The following UHRF1 variants were observed in gnomAD, a reference collection of about 807,000 sequenced individuals.
UHRF1 encodes ubiquitin like with PHD and ring finger domains 1.
UHRF1 carries 9 observed loss-of-function variants against 96.5 expected under a neutral mutation model. The observed-to-expected ratio is 0.09, with a 90% CI of 0.06 to 0.16. UHRF1 has a LOEUF of 0.16. UHRF1 is among the 10% of genes least tolerant of loss of function. UHRF1 has a pLI of 1.00. For synonymous variants in UHRF1, 455 were observed against 469.9 expected (o/e 0.97, Z 0.41); for missense variants, 626 against 1,131.1 (o/e 0.55, Z 6.40).
At chr19:4,949,230 G>C (rs1040531068) in intron 11 of UHRF1, among the ~76,000 whole-genome samples, 4 of 151,964 alleles carry the variant, frequency 2.6e-5, no homozygotes. Flanking sequence ...CTATAAAGTT[G>C]GCCAAAAATT....
intron 2 of UHRF1, among the ~76,000 whole-genome samples, chr19:4,917,007 T>C (rs2656924): frequency 0.21 from 30,539 of 147,456 alleles, 5,539 homozygotes; most frequent in African/African-American, 0.49. Context: ...CGCTAGGCAG[T>C]GTTCGGCACC....
Position 4,930,874 on chromosome 19 carries a change from C to T in UHRF1, c.567C>T (p.Asp189=), listed in dbSNP as rs778582068. The T allele has an allele frequency of 7.4e-6, 12 of 1,613,684 alleles. No individual in the cohort carries two copies. Among genetic ancestry groups the T allele is most frequent in the South Asian group, 2.2e-5 (2 of 91,062 alleles). Residue 189 remains aspartate (D), a splice_region_variant and synonymous_variant, in exon 4 of 17, where the codon GAC becomes GAT. Coordinates refer to ENST00000650932, the MANE Select transcript of UHRF1 (RefSeq NM_001048201.3). This position sits in a 1 kb window ranked among gnomAD's most constrained non-coding sequence, Gnocchi z 4.4. ...EEDVIYHVKY[D]DYPENGVVQM... is the part of the protein sequence containing the mutation. ...ACGTCATTTACCACGTGAAATACGA[C>T]GAGTGAGTCATGGCAGGTGGGCGGG... is the stretch of plus-strand genomic sequence containing the variant.
At chr19:4,933,876 CG>C (rs2033135691) in intron 5 of UHRF1, among the ~76,000 whole-genome samples, 1 of 151,666 alleles carries the variant, frequency 6.6e-6, no homozygotes, top group Non-Finnish European at 1.5e-5. Flanking sequence ...AGAGACTATG[CG>C]GCCTACAAAG....
intron 5 of UHRF1, among the ~76,000 whole-genome samples, chr19:4,934,192 T>C (rs2033149399): frequency 6.6e-6 from 1 of 151,210 alleles, no homozygotes; most frequent in South Asian, 2.1e-4. Flanking sequence ...TCTGGCTAAT[T>C]TTTGTATATA....
chr19:4,947,256 C>T (rs2033591828), intron 11 of UHRF1, 45 bp downstream of exon 11: 2 of 1,560,606 alleles, frequency 1.3e-6, no homozygotes, highest in Non-Finnish European at 1.8e-6. Context: ...TGCATATCTG[C>T]CGAGTCTTGG....
Position 4,910,938 on chromosome 19 carries a change from C to G in UHRF1, c.53C>G (p.Ser18Trp), listed in dbSNP as rs781386518. 2 of 1,613,668 alleles carry G rather than the reference C, an allele frequency of 1.2e-6. No homozygotes were observed. Residue 18 changes from serine to tryptophan, a missense_variant, in exon 2 of 17, where the codon TCG becomes TGG. Around this residue, in one of 11 missense-constraint regions of UHRF1, gnomAD observed 32 missense variants for 46.8 expected, o/e 0.68. Transcript: ENST00000650932. ...MDGRQTHTVDSLSRLTKVEEL... is the reference protein window; with the variant it reads ...MDGRQTHTVDWLSRLTKVEEL... ...GGGAGGCAGACCCACACGGTGGACT[C>G]GCTGTCCAGGCTGACCAAGGTGGAG...
At chr19:4,955,107 C>CCCCT in intron 15 of UHRF1, among the ~76,000 whole-genome samples, 1 of 152,082 alleles carries the variant, frequency 6.6e-6, no homozygotes, top group Non-Finnish European at 1.5e-5. Flanking sequence ...TCCCCAGCTC[C>CCCCT]GGCACCCCCT....
intron 2 of UHRF1, among the ~76,000 whole-genome samples, chr19:4,925,877 G>T (rs1028113766): frequency 3.7e-5 from 4 of 108,622 alleles, no homozygotes; most frequent in African/African-American, 1.6e-4. Context: ...CCTCTCACCT[G>T]TTTTTTCTTT....
intron 5 of UHRF1, among the ~76,000 whole-genome samples, chr19:4,933,957 T>G (rs1340419419): frequency 2.0e-5 from 2 of 97,706 alleles, no homozygotes; most frequent in Admixed American, 1.2e-4. Context: ...CCTTGCCTCT[T>G]TGTGTGTGTG....
chr19:4,940,822 G>A (rs758601675), intron 5 of UHRF1, among the ~76,000 whole-genome samples: 8 of 150,792 alleles, frequency 5.3e-5, no homozygotes, highest in Non-Finnish European at 1.0e-4. Flanking sequence ...ACAGGTGCGC[G>A]CTACCATGCC....
chr19:4,960,756 C>A lies in UHRF1; in HGVS notation c.2335C>A (p.Gln779Lys). Reference protein sequence around the residue: ...SYAMQVNQPLQTVLNQLFPGY... With the variant: ...SYAMQVNQPLKTVLNQLFPGY... ...TGCCATGCAGGTGAACCAGCCTCTG[C>A]AGACCGTCCTCAACCAGCTCTTCCC... The change falls in exon 17 of 17, where the codon CAG becomes AAG. Residue 779 changes from glutamine (Q) to lysine (K), a missense_variant. Physicochemically the swap from Gln to Lys is moderately conservative, Grantham distance 53 (BLOSUM62 1). Coordinates refer to ENST00000650932, the MANE Select transcript of UHRF1 (RefSeq NM_001048201.3). 6.3e-7 allele frequency: 1 copy of A among 1,575,400 alleles called. No individual in the cohort carries two copies.
At chr19:4,929,120 C>G (rs987130809) in intron 2 of UHRF1, 102 bp from the exon 3 acceptor site, 119 of 1,472,832 alleles carry the variant, frequency 8.1e-5, no homozygotes, top group Non-Finnish European at 1.0e-4. Context: ...TTGCCCCCCC[C>G]CCACAAGGGC....
intron 2 of UHRF1, among the ~76,000 whole-genome samples, chr19:4,912,078 A>G (rs987908699): frequency 1.3e-5 from 2 of 152,172 alleles, no homozygotes; most frequent in African/African-American, 2.4e-5. Context: ...TCTGGCTTGC[A>G]TGCCATAGGA....
In UHRF1 at chr19:4,952,165, T is replaced by TCTCTGCAAC. The variant is rs1213840516; in HGVS notation, c.1818+1176_1818+1184dup. Among the ~76,000 whole-genome samples, 43 of 150,062 alleles carry TCTCTGCAAC rather than the reference T, an allele frequency of 2.9e-4. No homozygotes were observed. The East Asian group carries it at 6.6e-3, about 23-fold the overall frequency. On this transcript the variant is annotated intron_variant, in intron 13 of 16. Coordinates refer to ENST00000650932, the MANE Select transcript of UHRF1 (RefSeq NM_001048201.3). Reference sequence around the variant, plus strand: ...TGGAGTGCAGTGGTGGGATCTCGGCTCTCTGCAACCTCTGCCTCCCAGGTT... The same window carrying TCTCTGCAAC: ...TGGAGTGCAGTGGTGGGATCTCGGCTCTCTGCAACCTCTGCAACCTCTGCCTCCCAGGTT...
chr19:4,913,177 A>G (rs1195508481), intron 2 of UHRF1, among the ~76,000 whole-genome samples: 2 of 151,768 alleles, frequency 1.3e-5, no homozygotes, highest in East Asian at 1.9e-4. Context: ...GAGTCATACA[A>G]TAGTGTCTGT....
chr19:4,941,452 C>G, intron 5 of UHRF1, 76 bp from the exon 6 acceptor site: 5 of 1,152,166 alleles, frequency 4.3e-6, no homozygotes, highest in Non-Finnish European at 6.4e-6. Flanking sequence ...CCCGAGAACC[C>G]GTGGTGTTCA....
At chr19:4,944,496 T>A in intron 9 of UHRF1, 46 bp downstream of exon 9, 15 of 1,604,238 alleles carry the variant, frequency 9.4e-6, no homozygotes, top group Non-Finnish European at 1.3e-5. Flanking sequence ...GGGCTCATCC[T>A]GCTTTTCTGG....
chr19:4,914,060 AC>A (rs1482362593), intron 2 of UHRF1, among the ~76,000 whole-genome samples: 2 of 150,290 alleles, frequency 1.3e-5, no homozygotes, highest in African/African-American at 2.5e-5. Flanking sequence ...GGTGATTCAC[AC>A]CCCCCTCCCC....
intron 1 of UHRF1, chr19:4,910,359 G>A (rs567820739): frequency 6.6e-6 from 1 of 151,738 alleles, no homozygotes; most frequent in East Asian, 1.9e-4. Context: ...CGGCAAGGAG[G>A]GGGGGCGTGG....
Sources: gnomAD v4.1 joint callset for allele counts (sites outside exome capture counted in the v4.1 genomes callset) on GRCh38, gnomAD v4.1.1 for gene constraint, gnomAD v4.1.1 regional missense constraint, Gnocchi (gnomAD v3.1) non-coding constraint, MANE v1.5 for transcripts, NCBI Gene and HGNC (gene_info 2026-07-23, HGNC 2026-07-21) for gene names.